PPP2R2C: variants seen among roughly 807,000 people sequenced by gnomAD.
PPP2R2C encodes protein phosphatase 2 regulatory subunit Bgamma, also known as protein phosphatase 2, regulatory subunit B, gamma.
Under a neutral mutation model 45.3 loss-of-function variants are expected in PPP2R2C, and 10 were observed. The ratio of observed to expected loss-of-function variants is 0.22; its 90% CI spans 0.14 to 0.37. PPP2R2C has a LOEUF of 0.37. PPP2R2C is among the 10% of genes least tolerant of loss of function. The probability of loss-of-function intolerance (pLI) is 1.00; values close to 1 mark genes in which losing one functional copy is unlikely to be tolerated. For synonymous variants in PPP2R2C, 257 were observed against 245.4 expected (o/e 1.05, Z -0.44); for missense variants, 308 against 619.7 (o/e 0.50, Z 5.34).
Position 6,502,184 on chromosome 4 carries a change from G to A in PPP2R2C, c.49+33087C>T, listed in dbSNP as rs568235361. 3.3e-5 allele frequency among the ~76,000 whole-genome samples: 5 copies of A among 152,322 alleles called. No individual in the cohort carries two copies. In the South Asian group the frequency reaches 1.0e-3, roughly 32 times the overall value. On this transcript the variant is annotated intron_variant, in intron 2 of 9. Transcript: ENST00000506140. ...ATATCTGTGATCAGAGCCCCTCAGG[G>A]TGGGGTAAATGAGTCCCACCTTCGG... is the stretch of plus-strand genomic sequence containing the variant.
At chr4:6,448,531 A>G (rs921474973) in intron 1 of PPP2R2C, among the ~76,000 whole-genome samples, 1 of 151,928 alleles carries the variant, frequency 6.6e-6, no homozygotes, top group Non-Finnish European at 1.5e-5. Flanking sequence ...ACTACCATGC[A>G]TCACTGGCCG....
In PPP2R2C at chr4:6,329,018, A is replaced by G. The variant is rs1732179329; in HGVS notation, c.1052+244T>C. Among the ~76,000 whole-genome samples the G allele has an allele frequency of 6.6e-6, 1 of 152,220 alleles. No homozygotes were observed. The highest frequency in any genetic ancestry group is 2.4e-5 in the African/African-American group (1 of 41,456). On this transcript the variant is annotated intron_variant, in intron 8 of 8. Coordinates refer to ENST00000382599, the MANE Select transcript of PPP2R2C (RefSeq NM_020416.4). This position sits in a 1 kb window ranked among gnomAD's most constrained non-coding sequence, Gnocchi z 5.8. ...TAAACATGTTCCCACTACTGCCCATAGGGCAGGCGCCAACGTGGCTGTGAG... is the reference window on the plus strand; with the variant it reads ...TAAACATGTTCCCACTACTGCCCATGGGGCAGGCGCCAACGTGGCTGTGAG...
intron 2 of PPP2R2C, among the ~76,000 whole-genome samples, chr4:6,533,921 C>T (rs1239443672): frequency 6.6e-6 from 1 of 151,978 alleles, no homozygotes; most frequent in Non-Finnish European, 1.5e-5. Flanking sequence ...CATATCCCAA[C>T]ACAAACACAT....
chr4:6,392,711 T>G (rs1430283832), intron 1 of PPP2R2C, among the ~76,000 whole-genome samples: 1 of 152,190 alleles, frequency 6.6e-6, no homozygotes, highest in Non-Finnish European at 1.5e-5. Flanking sequence ...GGGAGAGGCC[T>G]GAGCATTTTA....
Position 6,395,175 on chromosome 4 carries a change from C to T in PPP2R2C, c.71-14081G>A, listed in dbSNP as rs186667500. Among the ~76,000 whole-genome samples, 295 of 152,276 alleles carry T rather than the reference C, an allele frequency of 1.9e-3. 1 individual carries two copies. The highest frequency in any genetic ancestry group is 7.0e-3 in the African/African-American group (290 of 41,560). On this transcript the variant is annotated intron_variant, in intron 1 of 8. Transcript: ENST00000382599. ...CCTCCCTAAAACCTTCCATGGCTCCCCACTGCCCTTTGAATAAAGGTCCCA... is the reference window on the plus strand; with the variant it reads ...CCTCCCTAAAACCTTCCATGGCTCCTCACTGCCCTTTGAATAAAGGTCCCA...
intron 1 of PPP2R2C, among the ~76,000 whole-genome samples, chr4:6,415,931 CT>C (rs1218339094): frequency 6.6e-6 from 1 of 152,218 alleles, no homozygotes; most frequent in Non-Finnish European, 1.5e-5. Context: ...TTTCTCTCAA[CT>C]GGTCCAACTC....
intron 4 of PPP2R2C, among the ~76,000 whole-genome samples, chr4:6,374,379 C>T (rs975718379): frequency 5.3e-5 from 8 of 152,180 alleles, no homozygotes; most frequent in Admixed American, 2.0e-4. Flanking sequence ...AGAAAGGAAA[C>T]CTTCCCTGAA....
chr4:6,327,465 C>T (rs1229970526), intron 8 of PPP2R2C, among the ~76,000 whole-genome samples: 2 of 152,222 alleles, frequency 1.3e-5, no homozygotes, highest in African/African-American at 4.8e-5. Context: ...CCCCTGGTGG[C>T]AGCTTGAAGG....
chr4:6,363,531 A>G lies in PPP2R2C; in HGVS notation c.625+8992T>C, dbSNP rs571310553. Among the ~76,000 whole-genome samples the G allele has an allele frequency of 3.3e-5, 5 of 152,048 alleles. No individual in the cohort carries two copies. In the East Asian group the frequency reaches 9.7e-4, roughly 30 times the overall value. On this transcript the variant is annotated intron_variant, in intron 5 of 8. Transcript: ENST00000382599. ...GAGGCAGAGATTGCAGTGAGCCGAG[A>G]TTGAGCCACTGCACTTCAGCCTGGG...
At chr4:6,492,652 C>T (rs780618883) in intron 2 of PPP2R2C, among the ~76,000 whole-genome samples, 5 of 152,220 alleles carry the variant, frequency 3.3e-5, no homozygotes, top group African/African-American at 4.8e-5. Flanking sequence ...ATCCCTACAG[C>T]AGGGACTCGA....
chr4:6,478,765 C>T (rs141571093), intron 2 of PPP2R2C, among the ~76,000 whole-genome samples: 26 of 152,338 alleles, frequency 1.7e-4, no homozygotes, highest in African/African-American at 5.8e-4. Flanking sequence ...CAAAACGCAG[C>T]GGCTTCAAGG....
At chr4:6,441,866 G>C (rs111971943) in intron 1 of PPP2R2C, among the ~76,000 whole-genome samples, 1 of 152,132 alleles carries the variant, frequency 6.6e-6, no homozygotes, top group South Asian at 2.1e-4. Context: ...ACTGGGTATG[G>C]CCCCCCAGCA....
rs759097847 is a variant in PPP2R2C at position 6,323,613 on chromosome 4, C to G, written c.1053-20G>C. ...ATGACGCTGGTGGGAGAAGGAGAGG[C>G]ATCAGGTGAGGAGGAGCACAAGCCC... On this transcript the variant is annotated intron_variant, in intron 8 of 8. Coordinates refer to ENST00000382599, the MANE Select transcript of PPP2R2C (RefSeq NM_020416.4). 8 of 1,531,654 alleles carry G rather than the reference C, an allele frequency of 5.2e-6. No homozygotes were observed. The African/African-American group carries it at 9.6e-5, about 18-fold the overall frequency. The allele number at this position is 1,531,654 out of a possible 1,614,324, so 94.9% of individuals were successfully genotyped here.
chr4:6,495,987 A>C (rs1560585024), intron 2 of PPP2R2C, among the ~76,000 whole-genome samples: 1 of 151,706 alleles, frequency 6.6e-6, no homozygotes, highest in Non-Finnish European at 1.5e-5. Flanking sequence ...CCATGGCGGC[A>C]CTCCTTGGTG....
At chr4:6,464,899 A>AGAAGGAAG (rs1315400988) in intron 1 of PPP2R2C, among the ~76,000 whole-genome samples, 2 of 130,392 alleles carry the variant, frequency 1.5e-5, no homozygotes, top group Non-Finnish European at 3.2e-5. Context: ...AGAGAGAGAG[A>AGAAGGAAG]GAAGGAAGGA....
chr4:6,513,851 G>A (rs775842339), intron 2 of PPP2R2C, among the ~76,000 whole-genome samples: 1 of 152,184 alleles, frequency 6.6e-6, no homozygotes, highest in African/African-American at 2.4e-5. Context: ...CCAGTGGGGA[G>A]CACCCACTCT....
chr4:6,518,103 A>C (rs1723883639), intron 2 of PPP2R2C, among the ~76,000 whole-genome samples: 1 of 152,250 alleles, frequency 6.6e-6, no homozygotes, highest in South Asian at 2.1e-4. Flanking sequence ...ATTTTGAACT[A>C]ATTAAAAATG....
At chr4:6,510,607 C>A (rs1277389476) in intron 2 of PPP2R2C, among the ~76,000 whole-genome samples, 1 of 152,188 alleles carries the variant, frequency 6.6e-6, no homozygotes, top group African/African-American at 2.4e-5. Context: ...CGCACACACG[C>A]ACACCAGAAT....
intron 7 of PPP2R2C, 66 bp downstream of exon 7, chr4:6,333,496 C>T: frequency 1.9e-6 from 3 of 1,559,694 alleles, no homozygotes; most frequent in Non-Finnish European, 2.6e-6. Context: ...GGAAGGCCCC[C>T]TCCATGGGGA....
Sources: allele counts gnomAD v4.1 joint callset (sites outside exome capture counted in the v4.1 genomes callset), GRCh38; gene constraint gnomAD v4.1.1; non-coding constraint Gnocchi (gnomAD v3.1); transcripts MANE v1.5; gene names NCBI Gene and HGNC (gene_info 2026-07-23, HGNC 2026-07-21).